SPAG17: variants seen among roughly 807,000 people sequenced by gnomAD.
SPAG17 encodes sperm-associated antigen 17.
SPAG17 carries 169 observed loss-of-function variants against 273.6 expected under a neutral mutation model. The ratio of observed to expected loss-of-function variants is 0.62; its 90% CI spans 0.55 to 0.70. SPAG17 has a LOEUF of 0.70. Ranked by LOEUF, SPAG17 falls within the 30% of genes least tolerant of loss-of-function variation. SPAG17 has a pLI of 0.00. For synonymous variants in SPAG17, 825 were observed against 873.2 expected, an observed-to-expected ratio of 0.94 and a Z score of 0.97; for missense variants, 2,557 against 2,627.8, an observed-to-expected ratio of 0.97 and a Z score of 0.59.
intron 32 of SPAG17, among the ~76,000 whole-genome samples, chr1:118,002,325 G>A (rs1266730131): frequency 6.6e-6 from 1 of 152,200 alleles, no homozygotes; most frequent in Admixed American, 6.5e-5. Context: ...GAGTTCTGTA[G>A]ATGTCTATTA....
chr1:117,986,074 T>C (rs1276628908), intron 40 of SPAG17, among the ~76,000 whole-genome samples: 3 of 152,200 alleles, frequency 2.0e-5, no homozygotes, highest in Non-Finnish European at 4.4e-5. Flanking sequence ...CATCATACGT[T>C]CTGTAAGTAA....
intron 38 of SPAG17, 65 bp downstream of exon 38, chr1:117,990,796 T>A (rs1440313153): frequency 7.8e-6 from 8 of 1,028,748 alleles, no homozygotes; most frequent in Non-Finnish European, 1.2e-5. Flanking sequence ...GACCGATAAG[T>A]GTATTTAAGA....
At chr1:118,129,716 C>A (rs1035071515) in intron 3 of SPAG17, among the ~76,000 whole-genome samples, 4 of 148,396 alleles carry the variant, frequency 2.7e-5, no homozygotes, top group Non-Finnish European at 4.5e-5. Context: ...TCTTTCTTTT[C>A]TTTCTTTCCC....
chr1:118,050,303 C>T (rs1437240890), intron 20 of SPAG17, among the ~76,000 whole-genome samples: 1 of 152,150 alleles, frequency 6.6e-6, no homozygotes, highest in Non-Finnish European at 1.5e-5. Context: ...TCCAATTGTA[C>T]TTTATTTCCT....
intron 13 of SPAG17, among the ~76,000 whole-genome samples, chr1:118,084,988 T>C (rs1283727657): frequency 1.3e-5 from 2 of 152,206 alleles, no homozygotes; most frequent in South Asian, 2.1e-4. Context: ...TGGTTATAAA[T>C]AGTGTGCTCA....
chr1:117,981,158 T>A, intron 43 of SPAG17, 112 bp downstream of exon 43: 1 of 1,179,932 alleles, frequency 8.5e-7, no homozygotes, highest in Non-Finnish European at 1.2e-6. Context: ...TCCGTGACCC[T>A]CTCGATTTTT....
At chr1:118,063,820 T>G (rs868217885) in intron 18 of SPAG17, among the ~76,000 whole-genome samples, 16 of 152,150 alleles carry the variant, frequency 1.1e-4, no homozygotes, top group Middle Eastern at 6.8e-3. Context: ...GGGAGAAAAT[T>G]TTTGCAATCT....
intron 3 of SPAG17, among the ~76,000 whole-genome samples, chr1:118,148,629 A>G (rs557998812): frequency 3.3e-3 from 508 of 152,334 alleles, no homozygotes; most frequent in Non-Finnish European, 5.6e-3. Flanking sequence ...TCCTCTAGCT[A>G]GACAGAAAAG....
At chr1:118,172,729 A>G (rs1339693567) in intron 1 of SPAG17, among the ~76,000 whole-genome samples, 3 of 152,166 alleles carry the variant, frequency 2.0e-5, no homozygotes, top group East Asian at 1.9e-4. Flanking sequence ...CGTCTGGTCT[A>G]TGGATATTCT....
chr1:118,131,032 T>C (rs571263254), intron 3 of SPAG17, among the ~76,000 whole-genome samples: 129 of 152,342 alleles, frequency 8.5e-4, no homozygotes, highest in African/African-American at 3.1e-3. Context: ...AGTGGACTCC[T>C]ATCATGGACT....
intron 43 of SPAG17, among the ~76,000 whole-genome samples, chr1:117,978,974 T>G (rs1201891118): frequency 6.6e-6 from 1 of 152,008 alleles, no homozygotes; most frequent in East Asian, 1.9e-4. Context: ...TTCAAGCGAT[T>G]CTCCTGCCTC....
At chr1:118,083,072 C>T (rs962810161) in intron 13 of SPAG17, among the ~76,000 whole-genome samples, 2 of 152,132 alleles carry the variant, frequency 1.3e-5, no homozygotes, top group Admixed American at 1.3e-4. Flanking sequence ...ATTCTCCCAC[C>T]TCAGCTTCCC....
rs1482683349 is a variant in SPAG17, at chr1:118,012,371, A to G, written c.4289T>C (p.Val1430Ala). 6.2e-7 allele frequency: 1 copy of G among 1,612,844 alleles called. No individual in the cohort carries two copies. The highest frequency in any genetic ancestry group is 2.2e-5 in the East Asian group (1 of 44,802). Reference sequence around the variant, plus strand: ...AACTTTGTCTTCTCGAGTTGTCATAACCTGAACATGAAGAGGCAGGACATA... The same window carrying G: ...AACTTTGTCTTCTCGAGTTGTCATAGCCTGAACATGAAGAGGCAGGACATA... Reference protein sequence around the residue: ...FQATDPVNGTVMTTREDKVVI... With the variant: ...FQATDPVNGTAMTTREDKVVI... The change falls in exon 30 of 49, where the codon GTT becomes GCT. Residue 1430 changes from valine (V) to alanine (A), a missense_variant and splice_region_variant. Val to Ala is a moderately conservative substitution (Grantham distance 64, BLOSUM62 0). Coordinates refer to ENST00000336338, the MANE Select transcript of SPAG17 (RefSeq NM_206996.4).
At chr1:118,075,913 C>T (rs1557991438) in intron 15 of SPAG17, among the ~76,000 whole-genome samples, 1 of 152,048 alleles carries the variant, frequency 6.6e-6, no homozygotes, top group Non-Finnish European at 1.5e-5. Context: ...TCATCCTCTG[C>T]TTTGTTTGTT....
At chr1:118,008,481 TTG>T (rs1659139837) in intron 30 of SPAG17, among the ~76,000 whole-genome samples, 1 of 152,184 alleles carries the variant, frequency 6.6e-6, no homozygotes, top group Non-Finnish European at 1.5e-5. Context: ...ATTTTTCAAC[TTG>T]AAAAATTGAA....
chr1:118,023,290 G>A lies in SPAG17; in HGVS notation c.4069+14C>T, dbSNP rs1247141765. On this transcript the variant is annotated intron_variant, in intron 28 of 48. Coordinates refer to ENST00000336338, the MANE Select transcript of SPAG17 (RefSeq NM_206996.4). ...TACTAAATCCATAATAAACTGAGAG[G>A]CTTCAATTGTTACCTTTCTTTGTGT... is the stretch of plus-strand genomic sequence containing the variant. The A allele has an allele frequency of 1.9e-6, 3 of 1,601,360 alleles. No individual in the cohort carries two copies. The African/African-American group carries it at 4.0e-5, about 21-fold the overall frequency.
intron 3 of SPAG17, among the ~76,000 whole-genome samples, chr1:118,147,523 G>C (rs537752154): frequency 6.4e-4 from 97 of 152,240 alleles, no homozygotes; most frequent in Admixed American, 1.0e-3. Flanking sequence ...GTTCCTAGTA[G>C]AGCAAAACAT....
intron 1 of SPAG17, among the ~76,000 whole-genome samples, chr1:118,163,169 T>C (rs1660009616): frequency 6.6e-6 from 1 of 152,188 alleles, no homozygotes; most frequent in South Asian, 2.1e-4. Flanking sequence ...CGTGCTTTTC[T>C]GCATTTAAAA....
intron 28 of SPAG17, among the ~76,000 whole-genome samples, chr1:118,022,365 T>C (rs1660581267): frequency 6.6e-6 from 1 of 152,078 alleles, no homozygotes; most frequent in Non-Finnish European, 1.5e-5. Flanking sequence ...CAAATTAAGA[T>C]GAAAATGATG....
Sources: gnomAD v4.1 joint callset for allele counts (sites outside exome capture counted in the v4.1 genomes callset) on GRCh38, gnomAD v4.1.1 for gene constraint, MANE v1.5 for transcripts, NCBI Gene and HGNC (gene_info 2026-07-23, HGNC 2026-07-21) for gene names.